The following SNAP47 variants were observed in gnomAD, a reference collection of about 807,000 sequenced individuals.
SNAP47 encodes synaptosomal-associated protein 47.
SNAP47 carries 20 observed loss-of-function variants against 31.4 expected under a neutral mutation model. The observed-to-expected ratio is 0.64, with a 90% CI of 0.45 to 0.93. SNAP47 has a LOEUF of 0.93. SNAP47 is among the 40% of genes least tolerant of loss of function. The pLI, the probability that SNAP47 is intolerant of heterozygous loss-of-function variation, is 0.00. For synonymous variants in SNAP47, 194 were observed against 213.4 expected (o/e 0.91, Z 0.79); for missense variants, 492 against 528.5 (o/e 0.93, Z 0.68).
chr1:227,771,913 G>A (rs1424232293), intron 4 of SNAP47, among the ~76,000 whole-genome samples: 1 of 152,136 alleles, frequency 6.6e-6, no homozygotes, highest in Admixed American at 6.5e-5. Context: ...GAGAGAGTGT[G>A]GGACCTGTGC....
At chr1:227,735,261 T>C, upstream of SNAP47, 8 of 1,604,568 alleles carry the variant, frequency 5.0e-6, no homozygotes, top group African/African-American at 4.0e-5. Flanking sequence ...AGGGCGCGCG[T>C]CTCGCGGTCC....
At chr1:227,746,128 A>T (rs1468499260) in intron 1 of SNAP47, 1 of 152,242 alleles carries the variant, frequency 6.6e-6, no homozygotes, top group Non-Finnish European at 1.5e-5. Flanking sequence ...TCACTCAGTG[A>T]CAGGTTGTTG....
rs1258927244 is a variant in SNAP47, at chr1:227,758,833, A to G, written c.498-162A>G. Among the ~76,000 whole-genome samples, 5 of 152,172 alleles carry G rather than the reference A, an allele frequency of 3.3e-5. No individual in the cohort carries two copies. The East Asian group carries it at 7.7e-4, about 23-fold the overall frequency. On this transcript the variant is annotated intron_variant, in intron 2 of 4. Coordinates refer to ENST00000617596, the MANE Select transcript of SNAP47 (RefSeq NM_053052.4). ...CCAGCTTTCTCTTCTCACACTGGAG[A>G]TAAAAGTCCCTGTGCCTCCTGCTTC...
chr1:227,733,528 G>A (rs141021924), upstream of SNAP47: 883 of 1,602,866 alleles, frequency 5.5e-4, 2 homozygotes, highest in Non-Finnish European at 6.1e-4. Flanking sequence ...GGTGTGTGTC[G>A]CAGAGTGCTG....
intron 1 of SNAP47, among the ~76,000 whole-genome samples, chr1:227,744,352 T>C (rs554344682): frequency 6.6e-6 from 1 of 152,242 alleles, no homozygotes; most frequent in African/African-American, 2.4e-5. Flanking sequence ...TTGGCATGTA[T>C]GCATGTCTGG....
chr1:227,767,512 TATGTGC>T (rs201940699), intron 4 of SNAP47, among the ~76,000 whole-genome samples: 74 of 149,290 alleles, frequency 5.0e-4, no homozygotes, highest in Middle Eastern at 6.9e-3. Context: ...TTGTACTGTG[TATGTGC>T]ATGTGCATGT....
In SNAP47 at chr1:227,748,105, G is replaced by A. The variant is rs766889337; in HGVS notation, c.369G>A (p.Thr123=). ...SVPRTRGEEL[T]GLMAGSQKRL... ...CAAGGACCCGGGGCGAGGAGCTGACGGGACTCATGGCTGGATCCCAGAAAC... is the reference window on the plus strand; with the variant it reads ...CAAGGACCCGGGGCGAGGAGCTGACAGGACTCATGGCTGGATCCCAGAAAC... Residue 123 remains threonine (T), a synonymous_variant, in exon 2 of 5, where the codon ACG becomes ACA. Coordinates refer to ENST00000617596, the MANE Select transcript of SNAP47 (RefSeq NM_053052.4). The A allele has an allele frequency of 9.9e-6, 16 of 1,613,944 alleles. No homozygotes were observed. The Middle Eastern group carries it at 6.6e-4, about 66-fold the overall frequency.
At chr1:227,757,784 A>T (rs1662785613) in intron 2 of SNAP47, among the ~76,000 whole-genome samples, 1 of 152,252 alleles carries the variant, frequency 6.6e-6, no homozygotes, top group Non-Finnish European at 1.5e-5. Flanking sequence ...TGCCACATTC[A>T]ACTGGAAGTT....
Position 227,768,229 on chromosome 1 carries a change from C to T in SNAP47, c.1113+1146C>T, listed in dbSNP as rs988355061. On this transcript the variant is annotated intron_variant, in intron 4 of 4. Transcript: ENST00000617596. ...ACATGCAGTCTCCAGGTGCAGCTTC[C>T]GTCTCGTCTTCCCCTACAGTTGATT... The T allele has an allele frequency of 4.2e-5, 41 of 973,530 alleles. No individual in the cohort carries two copies. The African/African-American group carries it at 4.7e-4, about 11-fold the overall frequency. The allele number at this position is 973,530 out of a possible 1,614,324, so 60.3% of individuals were successfully genotyped here. A position where few individuals can be genotyped will look rare whatever the true frequency, so the allele number is the denominator to read the frequency against.
Position 227,780,566 on chromosome 1 carries a change from A to G in SNAP47, c.1153A>G (p.Ser385Gly). 2.5e-6 allele frequency: 4 copies of G among 1,614,172 alleles called. No individual in the cohort carries two copies. The highest frequency in any genetic ancestry group is 1.7e-6 in the Non-Finnish European group (2 of 1,180,028). ...RMKGLALEAE[S>G]ELERQDEALD... Reference sequence around the variant, plus strand: ...GAAGGGGCTGGCCCTGGAGGCCGAGAGTGAGCTGGAGAGACAAGACGAAGC... The same window carrying G: ...GAAGGGGCTGGCCCTGGAGGCCGAGGGTGAGCTGGAGAGACAAGACGAAGC... Residue 385 changes from serine to glycine, a missense_variant, in exon 5 of 5, where the codon AGT becomes GGT. Ser to Gly is a moderately conservative substitution (Grantham distance 56, BLOSUM62 0). Transcript: ENST00000617596.
intron 4 of SNAP47, among the ~76,000 whole-genome samples, chr1:227,771,654 GCCCACC>G (rs1244675213): frequency 4.1e-4 from 23 of 55,502 alleles, no homozygotes; most frequent in East Asian, 2.3e-3. Flanking sequence ...TGTGCACCCC[GCCCACC>G]CCCACCCCCA....
rs553636447 is a variant in SNAP47, at chr1:227,760,707, G to A, written c.988+1222G>A. Among the ~76,000 whole-genome samples the A allele has an allele frequency of 2.6e-5, 4 of 152,350 alleles. No homozygotes were observed. The South Asian group carries it at 8.3e-4, about 32-fold the overall frequency. ...TAGGAGGTGGGGCCTCTGATGCGTTGTATTTGTTTTGGCCCTGCAGGTTTT... is the reference window on the plus strand; with the variant it reads ...TAGGAGGTGGGGCCTCTGATGCGTTATATTTGTTTTGGCCCTGCAGGTTTT... On this transcript the variant is annotated intron_variant, in intron 3 of 4. Transcript: ENST00000617596.
chr1:227,775,471 G>A (rs750662549), intron 4 of SNAP47, among the ~76,000 whole-genome samples: 12 of 152,162 alleles, frequency 7.9e-5, no homozygotes, highest in Non-Finnish European at 1.2e-4. Context: ...GCCGCACTCC[G>A]GCGTCGCGAG....
At chr1:227,756,334 T>C (rs547510813) in intron 2 of SNAP47, among the ~76,000 whole-genome samples, 7 of 152,370 alleles carry the variant, frequency 4.6e-5, no homozygotes, top group South Asian at 4.1e-4. Flanking sequence ...GCGACTCACA[T>C]TGGACCCCAG....
intron 1 of SNAP47, chr1:227,728,828 G>C (rs1330067370): frequency 1.3e-5 from 2 of 152,314 alleles, no homozygotes; most frequent in Non-Finnish European, 2.9e-5. Context: ...GAGGCGAGGG[G>C]AACGGTCTCG....
In SNAP47 at chr1:227,752,203, C is replaced by T. The variant is rs1662419472; in HGVS notation, c.497+3970C>T. On this transcript the variant is annotated intron_variant, in intron 2 of 4. Coordinates refer to ENST00000617596, the MANE Select transcript of SNAP47 (RefSeq NM_053052.4). Reference sequence around the variant, plus strand: ...GAAGTCACCACCACAGTCATACGCACGAACACATCTCTCACCTCACATGCC... The same window carrying T: ...GAAGTCACCACCACAGTCATACGCATGAACACATCTCTCACCTCACATGCC... Among the ~76,000 whole-genome samples, 5 of 152,224 alleles carry T rather than the reference C, an allele frequency of 3.3e-5. No individual in the cohort carries two copies. The South Asian group carries it at 8.3e-4, about 25-fold the overall frequency.
intron 2 of SNAP47, 31 bp from the exon 3 acceptor site, chr1:227,758,964 C>A (rs1332340573): frequency 4.5e-6 from 7 of 1,551,632 alleles, no homozygotes; most frequent in Non-Finnish European, 6.1e-6. Flanking sequence ...ATGAACTGAT[C>A]CAGTTTTCCA....
Position 227,741,356 on chromosome 1 carries a change from G to A in SNAP47, c.-46+5857G>A, listed in dbSNP as rs1661585492. Among the ~76,000 whole-genome samples, 1 of 152,162 alleles carries A rather than the reference G, an allele frequency of 6.6e-6. No individual in the cohort carries two copies. Among genetic ancestry groups the A allele is most frequent in the Admixed American group, 6.5e-5 (1 of 15,286 alleles). The stretch of plus-strand genomic sequence containing the variant: ...GGACGCAGGCACTCATGGAAGTGGG[G>A]CTGGAGACCTGGAGAGGGTAGTGGC... On this transcript the variant is annotated intron_variant, in intron 1 of 4. Transcript: ENST00000617596. The surrounding 1 kb of genome is among the most constrained non-coding windows in gnomAD (Gnocchi z 4.2).
At chr1:227,733,580 AGGGCCTCTTCCTGCCCT>A (rs778950565), upstream of SNAP47, 1 of 1,607,670 alleles carries the variant, frequency 6.2e-7, no homozygotes, top group Admixed American at 1.7e-5. Context: ...GCGGTCCCGC[AGGGCCTCTTCCTGCCCT>A]GGGGGGAAGA....
Sources: gnomAD v4.1 joint callset for allele counts (sites outside exome capture counted in the v4.1 genomes callset) on GRCh38, gnomAD v4.1.1 for gene constraint, Gnocchi (gnomAD v3.1) non-coding constraint, MANE v1.5 for transcripts, NCBI Gene and HGNC (gene_info 2026-07-23, HGNC 2026-07-21) for gene names.